MUC5AC: variants seen among roughly 807,000 people sequenced by gnomAD.
MUC5AC encodes the protein mucin-5AC.
A neutral mutation model predicts 169.7 loss-of-function variants in MUC5AC; 158 were observed. The observed-to-expected ratio is 0.93, with a 90% CI of 0.82 to 1.06. MUC5AC has a LOEUF of 1.06. Among genes scored for constraint, MUC5AC ranks in the 50% least tolerant of loss-of-function variants. The pLI is 0.00. For missense variants in MUC5AC, 4,359 were observed against 3,089.9 expected (o/e 1.41, Z -9.74); for synonymous variants, 1,975 against 1,237.0 (o/e 1.60, Z -12.52).
At chr11:1,169,711 A>C (rs1860442029) in intron 15 of MUC5AC, among the ~76,000 whole-genome samples, 1 of 108,996 alleles carries the variant, frequency 9.2e-6, no homozygotes, top group East Asian at 2.9e-4. Context: ...CACTCACCTC[A>C]CTCACTGACT....
Position 1,199,519 on chromosome 11 carries a change from AG to A in MUC5AC, c.16515+35del, listed in dbSNP as rs1165033103. The A allele has an allele frequency of 5.7e-6, 4 of 702,818 alleles. No homozygotes were observed. In the African/African-American group the frequency reaches 7.0e-5, roughly 12 times the overall value. The allele number at this position is 702,818 out of a possible 1,614,324, so 43.5% of individuals were successfully genotyped here. ...AGGTCCAGGATCCCCGCTCCAGCCA[AG>A]GGGGGCTTCACCCCTAGATGGGTTT... is the stretch of plus-strand genomic sequence containing the variant. On this transcript the variant is annotated intron_variant, in intron 46 of 48. Transcript: ENST00000621226.
chr11:1,168,893 C>T lies in MUC5AC; in HGVS notation c.1737C>T (p.Ala579=), dbSNP rs779448258. Residue 579 remains alanine (A), a synonymous_variant, in exon 15 of 49, where the codon GCC becomes GCT. Coordinates refer to ENST00000621226, the MANE Select transcript of MUC5AC (RefSeq NM_001304359.2). ...GTGGGAACTTCAACAGCATCCAGGC[C>T]GATGACTTCCGGACCCTCAGTGGGG... ...GLCGNFNSIQ[A]DDFRTLSGVV... The T allele has an allele frequency of 4.4e-6, 7 of 1,606,854 alleles. No homozygotes were observed. The highest frequency in any genetic ancestry group is 1.7e-4 in the Middle Eastern group (1 of 6,016).
chr11:1,173,304 CCCACTCACTCACTCAT>C (rs1335891700), intron 16 of MUC5AC, among the ~76,000 whole-genome samples: 25 of 139,196 alleles, frequency 1.8e-4, no homozygotes, highest in Middle Eastern at 3.5e-3. Flanking sequence ...CACTCACTCA[CCCACTCACTCACTCAT>C]CCACTCACTC....
In MUC5AC at chr11:1,199,002, C is replaced by T. The variant is rs375975638; in HGVS notation, c.16296+6C>T. On this transcript the variant is annotated splice_donor_region_variant and intron_variant, in intron 44 of 48. Coordinates refer to ENST00000621226, the MANE Select transcript of MUC5AC (RefSeq NM_001304359.2). ...GCAACACACACTGCCCTGTGGTGAG[C>T]GCTCCCACCCTGCCCCGACCCTGCC... 4.5e-4 allele frequency: 346 copies of T among 763,658 alleles called. 1 individual carries two copies. In the African/African-American group the frequency reaches 5.0e-3, roughly 11 times the overall value. The allele number at this position is 763,658 out of a possible 1,614,324, so 47.3% of individuals were successfully genotyped here.
rs1408588895 is a variant in MUC5AC, at chr11:1,188,738, T to C, written c.10593T>C (p.Asp3531=). The C allele has an allele frequency of 0.42, 317,410 of 757,386 alleles. 70,045 individuals are homozygous for C. Among genetic ancestry groups the C allele is most frequent in the African/African-American group, 0.66 (38,679 of 58,672 alleles). 46.9% of individuals were successfully genotyped at this position (757,386 alleles called of 1,614,324 possible). ...HPRCTWTKWF[D]VDFPSPGPHG... is the part of the protein sequence containing the mutation. ...GGTGCACCTGGACCAAATGGTTTGA[T>C]GTGGACTTTCCATCCCCTGGACCCC... The change falls in exon 31 of 49, where the codon GAT becomes GAC. Residue 3531 remains aspartate, a synonymous_variant. Coordinates refer to ENST00000621226, the MANE Select transcript of MUC5AC (RefSeq NM_001304359.2).
At chr11:1,178,950 C>T (rs1455592455) in intron 25 of MUC5AC, 142 bp from the exon 26 acceptor site, 2 of 438,770 alleles carry the variant, frequency 4.6e-6, no homozygotes, top group Non-Finnish European at 8.1e-6. Context: ...ATGGGCCCAG[C>T]CGGCCACTTG....
At position 1,192,068 on chromosome 11, in the gene MUC5AC, C is replaced by T. The variant is rs77207494; in HGVS notation, c.13923C>T (p.Phe4641=). ...GGACAAAGTGGTTCGACGTGGACTT[C>T]CCATCCCCTGGACCCCACGGCGGGG... ...CAWTKWFDVD[F]PSPGPHGGDK... is the part of the protein sequence containing the mutation. Residue 4641 remains phenylalanine (F), a synonymous_variant, in exon 31 of 49, where the codon TTC becomes TTT. Coordinates refer to ENST00000621226, the MANE Select transcript of MUC5AC (RefSeq NM_001304359.2). 14 of 765,126 alleles carry T rather than the reference C, an allele frequency of 1.8e-5. No individual in the cohort carries two copies. Among genetic ancestry groups the T allele is most frequent in the Non-Finnish European group, 3.1e-5 (13 of 417,906 alleles). 47.4% of individuals were successfully genotyped at this position (765,126 alleles called of 1,614,324 possible).
intron 35 of MUC5AC, 43 bp from the exon 36 acceptor site, chr11:1,194,969 G>A (rs773737743): frequency 3.1e-5 from 21 of 677,478 alleles, no homozygotes; most frequent in South Asian, 7.8e-5. Flanking sequence ...GGGGCCAGCC[G>A]GCTCTGCTGT....
intron 9 of MUC5AC, 90 bp downstream of exon 9, chr11:1,164,622 A>G: frequency 1.4e-6 from 2 of 1,465,044 alleles, no homozygotes; most frequent in East Asian, 2.4e-5. Context: ...GAAGGACCCC[A>G]GTCCTAGTGT....
chr11:1,186,348 G>C lies in MUC5AC; in HGVS notation c.8203G>C (p.Ala2735Pro). Residue 2735 changes from alanine (A) to proline (P), a missense_variant, in exon 31 of 49, where the codon GCC becomes CCC. By Grantham distance (27) the Ala-to-Pro change is conservative (BLOSUM62 -1). Coordinates refer to ENST00000621226, the MANE Select transcript of MUC5AC (RefSeq NM_001304359.2). Reference protein sequence around the residue: ...ISAPTTSTTSATTTSTTSAPT... With the variant: ...ISAPTTSTTSPTTTSTTSAPT... The stretch of plus-strand genomic sequence containing the variant: ...GGCCCCAACAACCAGCACAACCTCT[G>C]CCACTACAACCAGCACGACCTCTGC... The C allele has an allele frequency of 1.4e-6, 1 of 718,522 alleles. No individual in the cohort carries two copies. Among genetic ancestry groups the C allele is most frequent in the Non-Finnish European group, 2.5e-6 (1 of 394,666 alleles). 44.5% of individuals were successfully genotyped at this position (718,522 alleles called of 1,614,324 possible). A position where few individuals can be genotyped will look rare whatever the true frequency, so the allele number is the denominator to read the frequency against.
chr11:1,175,756 A>C (rs1860662288), intron 19 of MUC5AC, among the ~76,000 whole-genome samples: 1 of 127,016 alleles, frequency 7.9e-6, no homozygotes, highest in Non-Finnish European at 1.6e-5. Flanking sequence ...ATGCACCCAC[A>C]CTCATGCACA....
rs1469209819 is a variant in MUC5AC at position 1,167,913 on chromosome 11, C to T, written c.1423C>T (p.Leu475=). ...DSSAFTVLAE[L]RRCGLTDSET... ...CAGTGCCTTCACTGTACTGGCTGAG[C>T]TGCGCAGGTGCGGGCTGACGGACAG... is the stretch of plus-strand genomic sequence containing the variant. Residue 475 remains leucine (L), a synonymous_variant, in exon 12 of 49, where the codon CTG becomes TTG. Transcript: ENST00000621226. The T allele has an allele frequency of 4.5e-6, 7 of 1,550,472 alleles. No individual in the cohort carries two copies. Among genetic ancestry groups the T allele is most frequent in the South Asian group, 1.2e-5 (1 of 84,068 alleles).
In MUC5AC at chr11:1,162,020, G is replaced by C. The variant is rs761841056; in HGVS notation, c.325G>C (p.Glu109Gln). 6.2e-7 allele frequency: 1 copy of C among 1,612,492 alleles called. No individual in the cohort carries two copies. Among genetic ancestry groups the C allele is most frequent in the Non-Finnish European group, 8.5e-7 (1 of 1,179,750 alleles). ...FPGLCNYVFS[E>Q]HCGAAYEDFN... is the part of the protein sequence containing the mutation. ...CGGCCTCTGCAACTACGTGTTCTCCGAGCACTGCGGTGCCGCCTACGAGGA... is the reference window on the plus strand; with the variant it reads ...CGGCCTCTGCAACTACGTGTTCTCCCAGCACTGCGGTGCCGCCTACGAGGA... The change falls in exon 4 of 49, where the codon GAG becomes CAG. Residue 109 changes from glutamate (E) to glutamine (Q), a missense_variant. Coordinates refer to ENST00000621226, the MANE Select transcript of MUC5AC (RefSeq NM_001304359.2).
In MUC5AC at chr11:1,196,095, G is replaced by A. The variant is rs769701507; in HGVS notation, c.15637+41G>A. On this transcript the variant is annotated intron_variant, in intron 37 of 48. Coordinates refer to ENST00000621226, the MANE Select transcript of MUC5AC (RefSeq NM_001304359.2). The stretch of plus-strand genomic sequence containing the variant: ...GTCCTCAGGGTCCCAAGTCGCTTGT[G>A]AGGGGCACAGGCACGCCGGACGGAC... 2.4e-5 allele frequency: 18 copies of A among 743,668 alleles called. No individual in the cohort carries two copies. The East Asian group carries it at 2.5e-4, about 10-fold the overall frequency. The allele number at this position is 743,668 out of a possible 1,614,324, so 46.1% of individuals were successfully genotyped here.
At chr11:1,177,182 G>A (rs934585017) in intron 22 of MUC5AC, 49 bp from the exon 23 acceptor site, 2 of 398,882 alleles carry the variant, frequency 5.0e-6, no homozygotes, top group Non-Finnish European at 8.8e-6. Flanking sequence ...CCTCCTTGCG[G>A]GAAGGAGGGC....
intron 29 of MUC5AC, 33 bp downstream of exon 29, chr11:1,181,215 C>T (rs1259201546): frequency 4.5e-5 from 18 of 398,140 alleles, no homozygotes; most frequent in South Asian, 1.3e-4. Context: ...GGCTGGGGTC[C>T]GGGGGTCTCT....
rs1054279441 is a variant in MUC5AC, at chr11:1,176,983, G to A, written c.2710G>A (p.Ala904Thr). The A allele has an allele frequency of 7.5e-6, 3 of 399,128 alleles. No homozygotes were observed. Among genetic ancestry groups the A allele is most frequent in the Middle Eastern group, 6.2e-4 (1 of 1,614 alleles). 24.7% of individuals were successfully genotyped at this position (399,128 alleles called of 1,614,324 possible). A position where few individuals can be genotyped will look rare whatever the true frequency, so the allele number is the denominator to read the frequency against. ...AGATGACCCCTGCCTGGCCACCTGC[G>A]CCGTGTACGGGGACGGCCACTACCT... The part of the protein sequence containing the change: ...CTDDPCLATC[A>T]VYGDGHYLTF... Residue 904 changes from alanine to threonine, a missense_variant, in exon 22 of 49, where the codon GCC becomes ACC. Coordinates refer to ENST00000621226, the MANE Select transcript of MUC5AC (RefSeq NM_001304359.2).
Position 1,175,286 on chromosome 11 carries a change from G to GAGGC in MUC5AC, c.2401+18_2401+21dup. The GAGGC allele has an allele frequency of 2.5e-6, 1 of 398,638 alleles. No individual in the cohort carries two copies. The allele number at this position is 398,638 out of a possible 1,614,324, so 24.7% of individuals were successfully genotyped here. On this transcript the variant is annotated intron_variant, in intron 19 of 48. Transcript: ENST00000621226. ...CCCGCCCCAGGTGAGTGCCAGAAAG[G>GAGGC]AGGCACTGTGGCCCCCAGCCTCCTC...
rs748189494 is a variant in MUC5AC, at chr11:1,164,271, A to G, written c.955A>G (p.Thr319Ala). 2 of 1,612,560 alleles carry G rather than the reference A, an allele frequency of 1.2e-6. No individual in the cohort carries two copies. Among genetic ancestry groups the G allele is most frequent in the South Asian group, 1.1e-5 (1 of 91,082 alleles). Reference sequence around the variant, plus strand: ...CCTTGCCGAGTACTCCCGGCAGTGCACCCATGCAGGGGGGTTGCCCCAGGA... The same window carrying G: ...CCTTGCCGAGTACTCCCGGCAGTGCGCCCATGCAGGGGGGTTGCCCCAGGA... ...HTLAEYSRQCTHAGGLPQDWR... is the reference protein window; with the variant it reads ...HTLAEYSRQCAHAGGLPQDWR... The change falls in exon 8 of 49, where the codon ACC (threonine) becomes GCC (alanine). Residue 319 changes from threonine (T) to alanine (A), a missense_variant. Physicochemically the swap from Thr to Ala is moderately conservative, Grantham distance 58 (BLOSUM62 0). Coordinates refer to ENST00000621226, the MANE Select transcript of MUC5AC (RefSeq NM_001304359.2).
Sources: allele counts gnomAD v4.1 joint callset (sites outside exome capture counted in the v4.1 genomes callset), GRCh38; gene constraint gnomAD v4.1.1; transcripts MANE v1.5; gene names NCBI Gene and HGNC (gene_info 2026-07-23, HGNC 2026-07-21).